Variants in PLXDC2 observed in about 807,000 individuals in gnomAD.
The protein encoded by PLXDC2 is plexin domain-containing protein 2.
PLXDC2 carries 40 observed loss-of-function variants against 68.9 expected under a neutral mutation model. The ratio of observed to expected loss-of-function variants is 0.58; its 90% CI spans 0.45 to 0.76. The LOEUF is 0.76. Among genes scored for constraint, PLXDC2 ranks in the 30% least tolerant of loss-of-function variants. The pLI is 0.00. For missense variants in PLXDC2, 644 were observed against 661.9 expected, an observed-to-expected ratio of 0.97 and a Z score of 0.30; for synonymous variants, 243 against 234.2, an observed-to-expected ratio of 1.04 and a Z score of -0.34.
At chr10:19,830,197 C>T (rs974140778) in intron 1 of PLXDC2, among the ~76,000 whole-genome samples, 1 of 151,718 alleles carries the variant, frequency 6.6e-6, no homozygotes, top group Non-Finnish European at 1.5e-5. Context: ...GGAAACACCC[C>T]CTGGGAAATA....
At chr10:20,157,094 T>A (rs1483209696) in intron 6 of PLXDC2, among the ~76,000 whole-genome samples, 3 of 152,200 alleles carry the variant, frequency 2.0e-5, no homozygotes, top group African/African-American at 7.2e-5. Flanking sequence ...AAAGAGATCA[T>A]GACTCTTAAA....
intron 1 of PLXDC2, among the ~76,000 whole-genome samples, chr10:19,825,582 T>G (rs1264846841): frequency 1.3e-5 from 2 of 152,176 alleles, no homozygotes; most frequent in Non-Finnish European, 2.9e-5. Context: ...CTGCTTACAG[T>G]AGTAACTCCT....
intron 4 of PLXDC2, among the ~76,000 whole-genome samples, chr10:20,082,280 T>C (rs1176442766): frequency 6.6e-6 from 1 of 151,850 alleles, no homozygotes; most frequent in Non-Finnish European, 1.5e-5. Flanking sequence ...TATATATCAA[T>C]ATTGTTTCAA....
rs563492855 is a variant in PLXDC2 at position 19,968,889 on chromosome 10, A to G, written c.113-32886A>G. ...TAAGTTTCATCAGGGTAAGGCCTCC[A>G]ATCCACAAATTGAAAACAGGTGGCA... On this transcript the variant is annotated intron_variant, in intron 1 of 13. Coordinates refer to ENST00000377252, the MANE Select transcript of PLXDC2 (RefSeq NM_032812.9). Among the ~76,000 whole-genome samples the G allele has an allele frequency of 7.9e-5, 12 of 152,300 alleles. No homozygotes were observed. In the East Asian group the frequency reaches 2.1e-3, roughly 27 times the overall value.
chr10:20,089,186 GTGTGTGTGT>G (rs1428832174), intron 4 of PLXDC2, among the ~76,000 whole-genome samples: 1 of 89,970 alleles, frequency 1.1e-5, no homozygotes, highest in African/African-American at 6.4e-5. Flanking sequence ...GTGTGTGTGT[GTGTGTGTGT>G]GTGTGTGTGT....
chr10:20,248,850 A>G (rs570208086), intron 13 of PLXDC2, among the ~76,000 whole-genome samples: 1 of 152,262 alleles, frequency 6.6e-6, no homozygotes, highest in Non-Finnish European at 1.5e-5. Flanking sequence ...CTTGCCTTTT[A>G]TGTTCCATAT....
At position 20,213,647 on chromosome 10, in the gene PLXDC2, T is replaced by C. The variant is rs182000681; in HGVS notation, c.1122+1918T>C. 8.7e-4 allele frequency among the ~76,000 whole-genome samples: 132 copies of C among 152,216 alleles called. 1 individual carries two copies. The highest frequency in any genetic ancestry group is 3.0e-3 in the African/African-American group (123 of 41,564). ...TTCCTAATTACAGAGGCTTTTAAAA[T>C]TTACCTTTTTTACTATTGACTTCTA... On this transcript the variant is annotated intron_variant, in intron 10 of 13. Transcript: ENST00000377252.
At chr10:19,993,604 G>A (rs1441876549) in intron 1 of PLXDC2, among the ~76,000 whole-genome samples, 1 of 152,054 alleles carries the variant, frequency 6.6e-6, no homozygotes, top group African/African-American at 2.4e-5. Context: ...ATTTTTAGTA[G>A]AGACTGGCTT....
At chr10:19,863,427 G>A (rs1293082671) in intron 1 of PLXDC2, among the ~76,000 whole-genome samples, 1 of 152,166 alleles carries the variant, frequency 6.6e-6, no homozygotes, top group Non-Finnish European at 1.5e-5. Flanking sequence ...TGATAGCTGG[G>A]CTGCAAAGAA....
chr10:19,862,945 G>T (rs2131336353), intron 1 of PLXDC2, among the ~76,000 whole-genome samples: 1 of 152,302 alleles, frequency 6.6e-6, no homozygotes, highest in African/African-American at 2.4e-5. Flanking sequence ...AGGTTGTGAA[G>T]AGCTTCGTAT....
chr10:20,162,488 G>A (rs1296755865), intron 6 of PLXDC2, among the ~76,000 whole-genome samples: 1 of 152,026 alleles, frequency 6.6e-6, no homozygotes, highest in Non-Finnish European at 1.5e-5. Context: ...AGGAACAGTG[G>A]CATTTATATG....
intron 13 of PLXDC2, among the ~76,000 whole-genome samples, chr10:20,247,708 C>T (rs1835619318): frequency 6.6e-6 from 1 of 152,148 alleles, no homozygotes; most frequent in Admixed American, 6.5e-5. Flanking sequence ...TTATTCTGCC[C>T]TGCAAGACTT....
intron 1 of PLXDC2, among the ~76,000 whole-genome samples, chr10:19,819,007 G>A (rs1276286555): frequency 1.4e-5 from 2 of 146,428 alleles, no homozygotes. Flanking sequence ...TTCCAGTAAC[G>A]TTACTGAAAA....
chr10:19,917,615 A>G (rs962987187), intron 1 of PLXDC2, among the ~76,000 whole-genome samples: 1 of 152,214 alleles, frequency 6.6e-6, no homozygotes, highest in African/African-American at 2.4e-5. Context: ...GAATTTCAAT[A>G]ACTGTCCTTT....
chr10:20,260,803 T>C (rs546930018), intron 13 of PLXDC2, among the ~76,000 whole-genome samples: 2 of 152,332 alleles, frequency 1.3e-5, no homozygotes, highest in South Asian at 2.1e-4. Flanking sequence ...CCAGTTTACA[T>C]TTCCCCCAAC....
intron 1 of PLXDC2, among the ~76,000 whole-genome samples, chr10:19,999,393 T>G (rs1834892743): frequency 6.6e-6 from 1 of 151,828 alleles, no homozygotes; most frequent in African/African-American, 2.4e-5. Context: ...GGTGTTTGTT[T>G]TTTTTTTTTC....
chr10:20,220,314 A>ATAAG (rs527789532), intron 12 of PLXDC2, among the ~76,000 whole-genome samples: 185 of 152,320 alleles, frequency 1.2e-3, no homozygotes, highest in African/African-American at 4.3e-3. Flanking sequence ...GCATATGGAC[A>ATAAG]TAAGCCCTAT....
chr10:20,090,717 G>A (rs953194598), intron 4 of PLXDC2, among the ~76,000 whole-genome samples: 12 of 152,000 alleles, frequency 7.9e-5, no homozygotes. Flanking sequence ...TGTTGTACAC[G>A]ACTTGCACAA....
rs1343641020 is a variant in PLXDC2 at position 20,284,899 on chromosome 10, GT to G, written c.*5082del. ...TTGCTGACTTAAGGAGGCTGCTATT[GT>G]TGCAATATCCAGAGATTTCAAGTTC... is the stretch of plus-strand genomic sequence containing the variant. On this transcript the variant is annotated 3_prime_UTR_variant, in exon 14 of 14. Transcript: ENST00000377252. 6.6e-6 allele frequency: 1 copy of G among 152,112 alleles called. No individual in the cohort carries two copies. Among genetic ancestry groups the G allele is most frequent in the African/African-American group, 2.4e-5 (1 of 41,396 alleles). The allele number at this position is 152,112 out of a possible 1,614,324, so 9.4% of individuals were successfully genotyped here.
Sources: allele counts gnomAD v4.1 joint callset (sites outside exome capture counted in the v4.1 genomes callset), GRCh38; gene constraint gnomAD v4.1.1; transcripts MANE v1.5; gene names NCBI Gene and HGNC (gene_info 2026-07-23, HGNC 2026-07-21).